The following RAE1 variants were observed in gnomAD, a reference collection of about 807,000 sequenced individuals.
RAE1 encodes the protein ribonucleic acid export 1, also known as mRNA export factor RAE1.
RAE1 carries 13 observed loss-of-function variants against 52.7 expected under a neutral mutation model. The ratio of observed to expected loss-of-function variants is 0.25; its 90% CI spans 0.16 to 0.39. The LOEUF (loss-of-function observed/expected upper bound fraction) is 0.39. RAE1 is among the 10% of genes least tolerant of loss of function. The pLI, the probability that RAE1 is intolerant of heterozygous loss-of-function variation, is 1.00. For synonymous variants in RAE1, 164 were observed against 153.1 expected (o/e 1.07, Z -0.52); for missense variants, 262 against 459.8 (o/e 0.57, Z 3.93).
chr20:57,369,504 C>T (rs1197739775), intron 8 of RAE1, among the ~76,000 whole-genome samples: 1 of 152,220 alleles, frequency 6.6e-6, no homozygotes, highest in African/African-American at 2.4e-5. Flanking sequence ...CAGATCTCCC[C>T]ACCAAAGATA....
At chr20:57,356,348 T>C (rs778109850) in intron 3 of RAE1, 98 bp from the exon 4 acceptor site, 32 of 798,256 alleles carry the variant, frequency 4.0e-5, no homozygotes, top group Non-Finnish European at 6.3e-5. Flanking sequence ...ATGAGAAGTC[T>C]ATGTATGGTT....
At chr20:57,375,516 G>A (rs1430833596) in intron 11 of RAE1, among the ~76,000 whole-genome samples, 1 of 152,044 alleles carries the variant, frequency 6.6e-6, no homozygotes, top group African/African-American at 2.4e-5. Flanking sequence ...TGCCTGCGCT[G>A]ACCCCGTCTC....
intron 11 of RAE1, among the ~76,000 whole-genome samples, chr20:57,375,270 A>G (rs1346718161): frequency 6.6e-6 from 1 of 151,934 alleles, no homozygotes; most frequent in African/African-American, 2.4e-5. Context: ...CCCCATGGGA[A>G]GTGTGTTGGC....
intron 8 of RAE1, among the ~76,000 whole-genome samples, chr20:57,369,523 G>T (rs2067004521): frequency 6.6e-6 from 1 of 152,208 alleles, no homozygotes. Flanking sequence ...TAGCTTTTCA[G>T]CTATTATTTC....
intron 3 of RAE1, 83 bp downstream of exon 3, chr20:57,354,899 T>A: frequency 2.8e-6 from 3 of 1,055,406 alleles, no homozygotes; most frequent in Non-Finnish European, 4.0e-6. Context: ...GTTTCCCAAG[T>A]AAATGAATCA....
At chr20:57,355,389 T>TA (rs994335197) in intron 3 of RAE1, among the ~76,000 whole-genome samples, 2 of 152,228 alleles carry the variant, frequency 1.3e-5, no homozygotes, top group African/African-American at 2.4e-5. Context: ...GACTTTTTTT[T>TA]ATTAAATTAA....
At chr20:57,371,631 C>T (rs1600725450) in intron 8 of RAE1, 1 of 152,022 alleles carries the variant, frequency 6.6e-6, no homozygotes. Context: ...ATGCCACAAC[C>T]GTTACAGAAA....
intron 4 of RAE1, among the ~76,000 whole-genome samples, chr20:57,364,923 T>C (rs1277025789): frequency 3.3e-5 from 5 of 152,220 alleles, no homozygotes; most frequent in Admixed American, 6.5e-5. Flanking sequence ...GAGAGAAAGA[T>C]AAATGTGACA....
intron 8 of RAE1, among the ~76,000 whole-genome samples, chr20:57,369,375 C>A (rs1029808496): frequency 1.3e-5 from 2 of 152,148 alleles, no homozygotes; most frequent in Non-Finnish European, 2.9e-5. Flanking sequence ...CAGGTAGCAC[C>A]CTCGGAGAGA....
intron 11 of RAE1, among the ~76,000 whole-genome samples, chr20:57,377,589 T>C (rs1283145303): frequency 6.6e-6 from 1 of 152,196 alleles, no homozygotes; most frequent in East Asian, 1.9e-4. Flanking sequence ...TGTCTGTTGC[T>C]CCTTCCATGT....
chr20:57,356,635 A>G (rs1383429361), intron 4 of RAE1, 97 bp downstream of exon 4: 3 of 1,049,660 alleles, frequency 2.9e-6, no homozygotes, highest in Non-Finnish European at 4.1e-6. Context: ...ATATGTGTTC[A>G]TATTGTAGGA....
chr20:57,374,734 T>C lies in RAE1; in HGVS notation c.953T>C (p.Ile318Thr). 1 of 1,614,230 alleles carries C rather than the reference T, an allele frequency of 6.2e-7. No individual in the cohort carries two copies. The highest frequency in any genetic ancestry group is 8.5e-7 in the Non-Finnish European group (1 of 1,180,038). Residue 318 changes from isoleucine (I) to threonine (T), a missense_variant, in exon 11 of 12, where the codon ATC (isoleucine) becomes ACC (threonine). By Grantham distance (89) the Ile-to-Thr change is moderately conservative (BLOSUM62 -1). Coordinates refer to ENST00000395841, the MANE Select transcript of RAE1 (RefSeq NM_003610.4). ...ACTTCGGAACAGTTAGATCAGCCCATCTCAGCTTGCTGTTTCAATCACAAT... is the reference window on the plus strand; with the variant it reads ...ACTTCGGAACAGTTAGATCAGCCCACCTCAGCTTGCTGTTTCAATCACAAT... Reference protein sequence around the residue: ...LKTSEQLDQPISACCFNHNGN... With the variant: ...LKTSEQLDQPTSACCFNHNGN...
intron 4 of RAE1, chr20:57,358,991 C>A: frequency 6.6e-7 from 1 of 1,509,344 alleles, no homozygotes. Flanking sequence ...ACGGATAGAT[C>A]AATTTCACTG....
chr20:57,374,808 ACTC>A lies in RAE1; in HGVS notation c.1020+9_1020+11del, dbSNP rs757222328. On this transcript the variant is annotated splice_region_variant and intron_variant, in intron 11 of 11. Coordinates refer to ENST00000395841, the MANE Select transcript of RAE1 (RefSeq NM_003610.4). ...CAGCTACGACTGGTCAAAGGTGAGA[ACTC>A]CCGGGCCTGCTCTGGGTGCTCCAAG... 4 of 1,613,992 alleles carry A rather than the reference ACTC, an allele frequency of 2.5e-6. No homozygotes were observed. The highest frequency in any genetic ancestry group is 3.4e-6 in the Non-Finnish European group (4 of 1,180,010).
At chr20:57,367,469 A>G (rs768210373) in intron 7 of RAE1, among the ~76,000 whole-genome samples, 3 of 152,004 alleles carry the variant, frequency 2.0e-5, no homozygotes, top group Non-Finnish European at 2.9e-5. Flanking sequence ...TCGGCCAGGC[A>G]TGGTAGCTCA....
chr20:57,354,909 A>G, intron 3 of RAE1, 93 bp downstream of exon 3: 2 of 939,148 alleles, frequency 2.1e-6, no homozygotes, highest in South Asian at 2.0e-5. Context: ...TAAATGAATC[A>G]GTTGGACTTA....
chr20:57,351,727 G>A (rs1038344480), intron 1 of RAE1: 98 of 985,392 alleles, frequency 9.9e-5, no homozygotes, highest in Non-Finnish European at 1.2e-4. Flanking sequence ...TCAGATACAT[G>A]TCAGCTCCTG....
chr20:57,356,589 AT>A, intron 4 of RAE1, 51 bp downstream of exon 4: 1 of 1,444,396 alleles, frequency 6.9e-7, no homozygotes, highest in Non-Finnish European at 9.6e-7. Context: ...GTACAGAATG[AT>A]TTAGAATATT....
chr20:57,375,183 G>T, intron 11 of RAE1: 2 of 614,590 alleles, frequency 3.3e-6, no homozygotes, highest in South Asian at 1.9e-5. Flanking sequence ...GGAGTTAGGA[G>T]CTGGCAGGAG....
Sources: allele counts gnomAD v4.1 joint callset (sites outside exome capture counted in the v4.1 genomes callset), GRCh38; gene constraint gnomAD v4.1.1; transcripts MANE v1.5; gene names NCBI Gene and HGNC (gene_info 2026-07-23, HGNC 2026-07-21).